CACNG4: variants seen among roughly 807,000 people sequenced by gnomAD.
CACNG4 encodes calcium voltage-gated channel auxiliary subunit gamma 4.
In CACNG4, 8 loss-of-function variants were observed where a neutral mutation model predicts 22.9. The observed-to-expected ratio is 0.35, with a 90% CI of 0.21 to 0.63. CACNG4 has a LOEUF of 0.63. CACNG4 is among the 30% of genes least tolerant of loss of function. The pLI is 0.72. For missense variants in CACNG4, 357 were observed against 455.4 expected (o/e 0.78, Z 1.97); for synonymous variants, 188 against 191.9 (o/e 0.98, Z 0.17).
chr17:67,011,116 C>G (rs902117918), intron 1 of CACNG4, among the ~76,000 whole-genome samples: 6 of 152,192 alleles, frequency 3.9e-5, no homozygotes, highest in Non-Finnish European at 7.3e-5. Context: ...TTTGCAGTTC[C>G]TAAGTTAATT....
chr17:66,980,870 C>T (rs886254595), intron 1 of CACNG4, among the ~76,000 whole-genome samples: 1 of 152,138 alleles, frequency 6.6e-6, no homozygotes. Context: ...CCGCCTGCCT[C>T]AGCCTCCCAA....
intron 1 of CACNG4, among the ~76,000 whole-genome samples, chr17:66,978,024 G>T (rs935715106): frequency 6.6e-6 from 1 of 152,144 alleles, no homozygotes; most frequent in Non-Finnish European, 1.5e-5. Flanking sequence ...TGGGAAATAC[G>T]CACAGGGCTC....
rs1409412572 is a variant in CACNG4 at position 67,030,889 on chromosome 17, C to G, written c.869C>G (p.Ala290Gly). The change falls in exon 4 of 4, where the codon GCC (alanine) becomes GGC (glycine). Residue 290 changes from alanine to glycine, a missense_variant. Around this residue, in one of 3 missense-constraint regions of CACNG4, gnomAD observed 240 missense variants for 277.6 expected, o/e 0.86. Coordinates refer to ENST00000262138, the MANE Select transcript of CACNG4 (RefSeq NM_014405.4). The surrounding 1 kb of genome is among the most constrained non-coding windows in gnomAD (Gnocchi z 6.4). ...GAGCCCCTCAAGGTGACCACCGCAG[C>G]CAGCTACAGCCCCGACCAGGAGGCC... ...SREPLKVTTA[A>G]SYSPDQEASF... 1 of 1,612,578 alleles carries G rather than the reference C, an allele frequency of 6.2e-7. No homozygotes were observed. Among genetic ancestry groups the G allele is most frequent in the Non-Finnish European group, 8.5e-7 (1 of 1,180,014 alleles).
intron 1 of CACNG4, among the ~76,000 whole-genome samples, chr17:66,991,301 T>C (rs1424962921): frequency 6.6e-6 from 1 of 151,812 alleles, no homozygotes. Context: ...TGGTGAAAGA[T>C]GAAGATGAAT....
At chr17:66,994,481 G>T (rs2035361685) in intron 1 of CACNG4, among the ~76,000 whole-genome samples, 1 of 152,328 alleles carries the variant, frequency 6.6e-6, no homozygotes, top group South Asian at 2.1e-4. Flanking sequence ...AGAGCAGGAA[G>T]GTGCGGCACA....
At chr17:67,011,977 A>C (rs2035471112) in intron 1 of CACNG4, among the ~76,000 whole-genome samples, 1 of 152,150 alleles carries the variant, frequency 6.6e-6, no homozygotes, top group Admixed American at 6.5e-5. Flanking sequence ...GTTTCCTTGA[A>C]GCTAACCCAG....
intron 1 of CACNG4, among the ~76,000 whole-genome samples, chr17:67,015,066 G>T (rs961858208): frequency 1.3e-5 from 2 of 152,108 alleles, no homozygotes; most frequent in African/African-American, 4.8e-5. Context: ...CTCTCCACGG[G>T]GCTGAAGACA....
chr17:67,030,590 G>A lies in CACNG4; in HGVS notation c.570G>A (p.Leu190=), dbSNP rs898101518. ...NYGWSFYFGA[L]SFIVAETVGV... is the part of the protein sequence containing the mutation. Reference sequence around the variant, plus strand: ...GCTGGTCTTTTTACTTTGGAGCTCTGTCTTTCATTGTGGCTGAGACCGTGG... The same window carrying A: ...GCTGGTCTTTTTACTTTGGAGCTCTATCTTTCATTGTGGCTGAGACCGTGG... Residue 190 remains leucine, a synonymous_variant, in exon 4 of 4, where the codon CTG becomes CTA. Transcript: ENST00000262138. This position sits in a 1 kb window ranked among gnomAD's most constrained non-coding sequence, Gnocchi z 6.4. 1.2e-6 allele frequency: 2 copies of A among 1,614,200 alleles called. No individual in the cohort carries two copies. Among genetic ancestry groups the A allele is most frequent in the African/African-American group, 1.3e-5 (1 of 75,046 alleles).
Position 67,024,455 on chromosome 17 carries a change from C to T in CACNG4, c.305-405C>T, listed in dbSNP as rs189620372. 8.5e-5 allele frequency among the ~76,000 whole-genome samples: 13 copies of T among 152,368 alleles called. No homozygotes were observed. In the East Asian group the frequency reaches 2.5e-3, roughly 29 times the overall value. On this transcript the variant is annotated intron_variant, in intron 2 of 3. Coordinates refer to ENST00000262138, the MANE Select transcript of CACNG4 (RefSeq NM_014405.4). ...CTCTCAACCACTGACCAGGGCCACC[C>T]TTTGTGGACACTGCTTCCCAGCCTT...
intron 1 of CACNG4, among the ~76,000 whole-genome samples, chr17:66,966,512 C>G (rs553590711): frequency 6.6e-6 from 1 of 152,156 alleles, no homozygotes; most frequent in Non-Finnish European, 1.5e-5. Context: ...GCAAGGAGCT[C>G]TTAAAACCAT....
intron 2 of CACNG4, among the ~76,000 whole-genome samples, chr17:67,022,494 G>A (rs929907753): frequency 1.3e-5 from 2 of 152,240 alleles, no homozygotes; most frequent in Non-Finnish European, 2.9e-5. Context: ...GCTGCCAGAA[G>A]GCAGAGAGGA....
At position 66,965,112 on chromosome 17, in the gene CACNG4, G is replaced by A; in HGVS notation, c.201G>A (p.Trp67Ter). The change falls in exon 1 of 4, where the codon TGG (tryptophan) becomes TGA (stop). Residue 67 changes from tryptophan (W) to a stop codon, truncating the protein, a stop_gained. Coordinates refer to ENST00000262138, the MANE Select transcript of CACNG4 (RefSeq NM_014405.4). LOFTEE classifies it high-confidence loss of function. ...ARGDLTHSGL[W>*]RVCCIEGIYK... ...GCGACCTCACCCACTCTGGTCTGTG[G>A]CGGGTGTGCTGCATCGAAGGTACGG... The A allele has an allele frequency of 6.3e-7, 1 of 1,586,656 alleles. No individual in the cohort carries two copies. The highest frequency in any genetic ancestry group is 8.6e-7 in the Non-Finnish European group (1 of 1,168,556).
chr17:67,017,443 T>A (rs189750746), intron 1 of CACNG4, among the ~76,000 whole-genome samples: 4 of 152,202 alleles, frequency 2.6e-5, no homozygotes, highest in Admixed American at 2.6e-4. Flanking sequence ...TGCCTTCACA[T>A]GTCTTGCTTC....
intron 1 of CACNG4, among the ~76,000 whole-genome samples, chr17:66,989,403 A>G (rs949836296): frequency 6.6e-6 from 1 of 151,548 alleles, no homozygotes; most frequent in Non-Finnish European, 1.5e-5. Flanking sequence ...ATGCAGCTAC[A>G]AGCCAGGGAA....
intron 3 of CACNG4, among the ~76,000 whole-genome samples, chr17:67,025,463 A>G (rs1461780974): frequency 1.3e-5 from 2 of 152,248 alleles, no homozygotes; most frequent in Non-Finnish European, 2.9e-5. Flanking sequence ...GGCCAGGTAA[A>G]GACAGGGCGA....
chr17:67,008,149 G>A (rs2035447934), intron 1 of CACNG4, among the ~76,000 whole-genome samples: 1 of 152,210 alleles, frequency 6.6e-6, no homozygotes, highest in African/African-American at 2.4e-5. Flanking sequence ...TAAGTTCAAT[G>A]AAGGAACTGA....
At chr17:67,026,739 GTGTT>G (rs201211060) in intron 3 of CACNG4, among the ~76,000 whole-genome samples, 1 of 151,690 alleles carries the variant, frequency 6.6e-6, no homozygotes, top group African/African-American at 2.4e-5. Context: ...GGACTGTGGT[GTGTT>G]TGTGTGTGTG....
At chr17:66,972,599 A>C (rs188352747) in intron 1 of CACNG4, among the ~76,000 whole-genome samples, 6 of 152,300 alleles carry the variant, frequency 3.9e-5, no homozygotes, top group Admixed American at 3.3e-4. Flanking sequence ...GATTCTTTGT[A>C]GCTGGAATTC....
At chr17:67,018,326 G>A in intron 2 of CACNG4, 54 bp downstream of exon 2, 1 of 1,382,794 alleles carries the variant, frequency 7.2e-7, no homozygotes, top group East Asian at 2.3e-5. Context: ...AAGGGTGGGG[G>A]AAGGCGGCCG....
Sources: gnomAD v4.1 joint callset for allele counts (sites outside exome capture counted in the v4.1 genomes callset) on GRCh38, gnomAD v4.1.1 for gene constraint, gnomAD v4.1.1 regional missense constraint, Gnocchi (gnomAD v3.1) non-coding constraint, MANE v1.5 for transcripts, NCBI Gene and HGNC (gene_info 2026-07-23, HGNC 2026-07-21) for gene names.